Variants in MAGI2 observed in about 807,000 individuals in gnomAD.
MAGI2 encodes the protein membrane-associated guanylate kinase, WW and PDZ domain-containing protein 2.
A neutral mutation model predicts 133.3 loss-of-function variants in MAGI2; 35 were observed. The ratio of observed to expected loss-of-function variants is 0.26; its 90% CI spans 0.20 to 0.35. The LOEUF (loss-of-function observed/expected upper bound fraction) is 0.35. Among genes scored for constraint, MAGI2 ranks in the 10% least tolerant of loss-of-function variants. MAGI2 has a pLI of 1.00. For synonymous variants in MAGI2, 729 were observed against 710.6 expected, an observed-to-expected ratio of 1.03 and a Z score of -0.41; for missense variants, 1,636 against 1,863.4, an observed-to-expected ratio of 0.88 and a Z score of 2.25.
At chr7:78,415,644 T>A (rs1217306690) in intron 6 of MAGI2, among the ~76,000 whole-genome samples, 1 of 152,036 alleles carries the variant, frequency 6.6e-6, no homozygotes, top group Non-Finnish European at 1.5e-5. Context: ...TCTCAAGCCA[T>A]CCCCAAGCAC....
intron 2 of MAGI2, among the ~76,000 whole-genome samples, chr7:78,811,408 A>G (rs528183239): frequency 4.4e-4 from 67 of 152,026 alleles, no homozygotes; most frequent in African/African-American, 1.5e-3. Flanking sequence ...TGATGTGTAT[A>G]TTAATATATA....
chr7:79,344,427 T>C lies in MAGI2; in HGVS notation c.301+108593A>G, dbSNP rs578067196. ...GATTGCTACATAAATGAGCAATTGC[T>C]ATAGGAATGAGTGCTATAGGGATGA... is the stretch of plus-strand genomic sequence containing the variant. On this transcript the variant is annotated intron_variant, in intron 1 of 21. Transcript: ENST00000354212. Among the ~76,000 whole-genome samples, 148 of 152,250 alleles carry C rather than the reference T, an allele frequency of 9.7e-4. 1 individual carries two copies. Among genetic ancestry groups the C allele is most frequent in the Non-Finnish European group, 1.7e-3 (116 of 67,996 alleles).
chr7:79,010,627 T>C (rs1283720984), intron 1 of MAGI2, among the ~76,000 whole-genome samples: 1 of 152,158 alleles, frequency 6.6e-6, no homozygotes, highest in African/African-American at 2.4e-5. Context: ...GTTCATAGGA[T>C]GCACACATCA....
At chr7:78,661,126 T>C (rs563892494) in intron 2 of MAGI2, among the ~76,000 whole-genome samples, 48 of 152,330 alleles carry the variant, frequency 3.2e-4, no homozygotes, top group South Asian at 1.9e-3. Context: ...CTGCATACCT[T>C]ATTTCATTTG....
At chr7:78,367,749 C>T (rs1223736457) in intron 7 of MAGI2, among the ~76,000 whole-genome samples, 4 of 152,098 alleles carry the variant, frequency 2.6e-5, no homozygotes, top group Non-Finnish European at 5.9e-5. Flanking sequence ...GGCTTAGACA[C>T]AGTACAGTTT....
intron 9 of MAGI2, among the ~76,000 whole-genome samples, chr7:78,277,828 A>C (rs1332228805): frequency 1.3e-5 from 2 of 152,154 alleles, no homozygotes; most frequent in African/African-American, 4.8e-5. Flanking sequence ...GAGACTATAG[A>C]TGTGGTGGCT....
At chr7:78,757,053 A>G (rs1023666828) in intron 2 of MAGI2, among the ~76,000 whole-genome samples, 14 of 152,084 alleles carry the variant, frequency 9.2e-5, no homozygotes, top group Admixed American at 7.9e-4. Flanking sequence ...ATCTCCCACC[A>G]TAATCTTGCT....
At position 79,453,399 on chromosome 7, in the gene MAGI2, G is replaced by T; in HGVS notation, c.-79C>A. ...GTGGTGAGAGAATGAGGATGGAGGA[G>T]CAAGGGGGCCCAGGGGGAAGAACAG... On this transcript the variant is annotated 5_prime_UTR_variant, in exon 1 of 22. Transcript: ENST00000354212. The T allele has an allele frequency of 6.6e-7, 1 of 1,517,842 alleles. No homozygotes were observed. Among genetic ancestry groups the T allele is most frequent in the Non-Finnish European group, 8.8e-7 (1 of 1,137,912 alleles). 94.0% of individuals were successfully genotyped at this position (1,517,842 alleles called of 1,614,324 possible). A position where few individuals can be genotyped will look rare whatever the true frequency, so the allele number is the denominator to read the frequency against.
At chr7:78,748,430 T>A (rs759622891) in intron 2 of MAGI2, among the ~76,000 whole-genome samples, 84 of 152,334 alleles carry the variant, frequency 5.5e-4, no homozygotes, top group Non-Finnish European at 1.0e-3. Flanking sequence ...TTCTGTCTTA[T>A]GAGCGCAGTC....
At chr7:78,648,976 T>C (rs2151007139) in intron 2 of MAGI2, among the ~76,000 whole-genome samples, 1 of 151,614 alleles carries the variant, frequency 6.6e-6, no homozygotes, top group South Asian at 2.1e-4. Flanking sequence ...GCTTCAAGAG[T>C]TCTGAAGCCC....
chr7:79,209,005 TA>T (rs1427973871), intron 1 of MAGI2, among the ~76,000 whole-genome samples: 2 of 151,960 alleles, frequency 1.3e-5, no homozygotes, highest in African/African-American at 4.8e-5. Flanking sequence ...GAATGGTAGT[TA>T]CCAGAATCTG....
intron 2 of MAGI2, among the ~76,000 whole-genome samples, chr7:78,628,912 G>C (rs982954320): frequency 2.0e-5 from 3 of 150,900 alleles, no homozygotes; most frequent in African/African-American, 7.3e-5. Context: ...TGTTTATTTA[G>C]AACACACTCC....
At chr7:78,044,967 G>C (rs1363137648) in intron 21 of MAGI2, among the ~76,000 whole-genome samples, 1 of 152,154 alleles carries the variant, frequency 6.6e-6, no homozygotes, top group African/African-American at 2.4e-5. Flanking sequence ...AAGAGATAGA[G>C]ACCATCCTGG....
intron 6 of MAGI2, among the ~76,000 whole-genome samples, chr7:78,418,011 T>C (rs1039468919): frequency 1.3e-5 from 2 of 152,142 alleles, no homozygotes; most frequent in African/African-American, 4.8e-5. Context: ...AAGGGTATAC[T>C]TGGAGTTGCA....
intron 3 of MAGI2, among the ~76,000 whole-genome samples, chr7:78,578,095 A>G (rs1227952707): frequency 6.6e-6 from 1 of 150,528 alleles, no homozygotes; most frequent in East Asian, 1.9e-4. Context: ...ATTGGTTTTC[A>G]CTTTAAGTAG....
chr7:79,104,538 G>A (rs1420660015), intron 1 of MAGI2, among the ~76,000 whole-genome samples: 4 of 151,906 alleles, frequency 2.6e-5, no homozygotes, highest in Admixed American at 6.6e-5. Context: ...GTGGTGGGAC[G>A]CGCCTGTAGT....
At chr7:78,532,039 GAC>G (rs1422513966) in intron 3 of MAGI2, among the ~76,000 whole-genome samples, 1 of 152,144 alleles carries the variant, frequency 6.6e-6, no homozygotes, top group African/African-American at 2.4e-5. Context: ...TAAGAGCTCT[GAC>G]ACAGAGTCAG....
At chr7:78,314,439 AG>A (rs1287840143) in intron 9 of MAGI2, among the ~76,000 whole-genome samples, 2 of 152,196 alleles carry the variant, frequency 1.3e-5, no homozygotes, top group Non-Finnish European at 2.9e-5. Flanking sequence ...CTATCCTGAA[AG>A]GAAGAGGGCA....
chr7:79,130,216 G>A (rs1286516447), intron 1 of MAGI2, among the ~76,000 whole-genome samples: 6 of 152,154 alleles, frequency 3.9e-5, no homozygotes, highest in East Asian at 1.9e-4. Flanking sequence ...AGCTACTCTG[G>A]AGGCTAAGGC....
Sources: gnomAD v4.1 joint callset for allele counts (sites outside exome capture counted in the v4.1 genomes callset) on GRCh38, gnomAD v4.1.1 for gene constraint, MANE v1.5 for transcripts, NCBI Gene and HGNC (gene_info 2026-07-23, HGNC 2026-07-21) for gene names.